LINGO2: variants seen among roughly 807,000 people sequenced by gnomAD.
LINGO2 encodes the protein leucine rich repeat and Ig domain containing 2, also known as leucine-rich repeat and immunoglobulin-like domain-containing nogo receptor-interacting protein 2.
LINGO2 carries 14 observed loss-of-function variants against 30.6 expected under a neutral mutation model. The ratio of observed to expected loss-of-function variants is 0.46; its 90% confidence interval spans 0.30 to 0.72. The LOEUF (loss-of-function observed/expected upper bound fraction) is 0.72. Ranked by LOEUF, LINGO2 falls within the 30% of genes least tolerant of loss-of-function variation. LINGO2 has a pLI of 0.07. For missense variants in LINGO2, 729 were observed against 751.7 expected (o/e 0.97, Z 0.35); for synonymous variants, 317 against 288.5 (o/e 1.10, Z -1.00).
At chr9:28,457,518 A>G (rs1341827794) in intron 2 of LINGO2, among the ~76,000 whole-genome samples, 1 of 151,878 alleles carries the variant, frequency 6.6e-6, no homozygotes, top group African/African-American at 2.4e-5. Flanking sequence ...GGCTCAAGCA[A>G]TTCTTCCTGC....
chr9:27,946,164 T>C (rs1232144729), downstream of LINGO2, among the ~76,000 whole-genome samples: 2 of 152,076 alleles, frequency 1.3e-5, no homozygotes, highest in Admixed American at 6.6e-5. Context: ...TAGTGAAGCC[T>C]GAAGATAAAC....
intron 1 of LINGO2, among the ~76,000 whole-genome samples, chr9:28,481,673 GCAGGTTAGTTA>G (rs935438911): frequency 6.6e-6 from 1 of 151,862 alleles, no homozygotes; most frequent in African/African-American, 2.4e-5. Context: ...TGCACAATGT[GCAGGTTAGTTA>G]CATATGTATA....
At chr9:28,092,994 A>T (rs1437401427) in intron 4 of LINGO2, among the ~76,000 whole-genome samples, 1 of 152,062 alleles carries the variant, frequency 6.6e-6, no homozygotes, top group Non-Finnish European at 1.5e-5. Flanking sequence ...TATGGAAGGG[A>T]TGCCAAGATA....
intron 3 of LINGO2, among the ~76,000 whole-genome samples, chr9:28,315,886 G>C (rs1477731408): frequency 6.6e-6 from 1 of 152,148 alleles, no homozygotes; most frequent in East Asian, 1.9e-4. Context: ...CGTAAGATTT[G>C]TGAATATGCA....
intron 1 of LINGO2, among the ~76,000 whole-genome samples, chr9:28,516,345 G>C (rs1820618620): frequency 6.6e-6 from 1 of 152,114 alleles, no homozygotes; most frequent in Non-Finnish European, 1.5e-5. Context: ...TTTACAGAGA[G>C]GACAATAAAA....
intron 2 of LINGO2, among the ~76,000 whole-genome samples, chr9:28,419,840 T>C (rs984201250): frequency 3.3e-5 from 5 of 151,962 alleles, no homozygotes; most frequent in African/African-American, 4.8e-5. Context: ...ATTTTCAATT[T>C]TAAAAATATG....
At chr9:28,011,721 C>A (rs950426414) in intron 5 of LINGO2, among the ~76,000 whole-genome samples, 6 of 152,196 alleles carry the variant, frequency 3.9e-5, no homozygotes, top group Non-Finnish European at 8.8e-5. Context: ...CATCTTACTG[C>A]AGAGTTTAAA....
the LINGO2 span, among the ~76,000 whole-genome samples, chr9:29,115,610 G>A: frequency 2.0e-5 from 3 of 151,646 alleles, no homozygotes; most frequent in Non-Finnish European, 4.4e-5. Context: ...GAAAAGATAT[G>A]CAGTCCTTTT....
At chr9:28,973,073 C>T in the LINGO2 span, among the ~76,000 whole-genome samples, 1 of 152,246 alleles carries the variant, frequency 6.6e-6, no homozygotes, top group South Asian at 2.1e-4. Flanking sequence ...TCTGAGTTTT[C>T]AGCCTAAAGG....
the LINGO2 span, among the ~76,000 whole-genome samples, chr9:28,787,629 A>G: frequency 6.6e-6 from 1 of 152,164 alleles, no homozygotes; most frequent in African/African-American, 2.4e-5. Context: ...GTAGTTCCTT[A>G]GTAATCTGTT....
At chr9:28,504,308 C>T (rs1820012219) in intron 1 of LINGO2, among the ~76,000 whole-genome samples, 1 of 151,802 alleles carries the variant, frequency 6.6e-6, no homozygotes, top group Non-Finnish European at 1.5e-5. Context: ...TTTTACCCTT[C>T]CCTTTTCCAC....
chr9:28,277,847 A>C (rs1453972649), intron 4 of LINGO2, among the ~76,000 whole-genome samples: 4 of 146,352 alleles, frequency 2.7e-5, no homozygotes, highest in African/African-American at 5.2e-5. Context: ...CAAAAAAAAA[A>C]AACAAAAAAA....
the LINGO2 span, among the ~76,000 whole-genome samples, chr9:29,211,428 G>T: frequency 6.6e-6 from 1 of 152,136 alleles, no homozygotes; most frequent in Admixed American, 6.5e-5. Context: ...AATGTGAAGT[G>T]AATCTGACTT....
chr9:28,505,044 A>C (rs1213385959), intron 1 of LINGO2, among the ~76,000 whole-genome samples: 1 of 151,932 alleles, frequency 6.6e-6, no homozygotes, highest in Non-Finnish European at 1.5e-5. Context: ...GTGTAAGCCA[A>C]TTTAAGAGGG....
chr9:28,523,427 T>C (rs992530949), intron 1 of LINGO2, among the ~76,000 whole-genome samples: 2 of 152,154 alleles, frequency 1.3e-5, no homozygotes, highest in Non-Finnish European at 2.9e-5. Flanking sequence ...CCCACTTCCA[T>C]GCAATATTGT....
intron 1 of LINGO2, among the ~76,000 whole-genome samples, chr9:28,555,048 G>A (rs376565303): frequency 3.6e-5 from 5 of 137,536 alleles, no homozygotes; most frequent in African/African-American, 9.2e-5. Context: ...AAAGCAGGAA[G>A]GATCCAAAAT....
At chr9:28,254,552 T>C (rs906432780) in intron 4 of LINGO2, among the ~76,000 whole-genome samples, 3 of 152,148 alleles carry the variant, frequency 2.0e-5, no homozygotes, top group South Asian at 2.1e-4. Context: ...AAAAATCTTA[T>C]AGTTCTTAGC....
chr9:28,869,482 A>C, the LINGO2 span, among the ~76,000 whole-genome samples: 1 of 152,102 alleles, frequency 6.6e-6, no homozygotes, highest in Non-Finnish European at 1.5e-5. Flanking sequence ...CAGATAAAGA[A>C]AACAGTACTT....
chr9:28,329,910 G>A lies in LINGO2; in HGVS notation c.-245-34544C>T, dbSNP rs75425161. Among the ~76,000 whole-genome samples, 27,365 of 152,084 alleles carry A rather than the reference G, an allele frequency of 0.18. 2,743 individuals carry two copies. Among genetic ancestry groups the A allele is most frequent in the Non-Finnish European group, 0.23 (15,690 of 67,948 alleles). ...ATTTGTGTATTTAGCTCTTCCAATA[G>A]ACACTTTCTTTTAATTTTTATGTAT... is the stretch of plus-strand genomic sequence containing the variant. On this transcript the variant is annotated intron_variant, in intron 3 of 5. Transcript: ENST00000379992. The surrounding 1 kb of genome is among the most constrained non-coding windows in gnomAD (Gnocchi z 4.5).
Sources: gnomAD v4.1 joint callset for allele counts (sites outside exome capture counted in the v4.1 genomes callset) on GRCh38, gnomAD v4.1.1 for gene constraint, Gnocchi (gnomAD v3.1) non-coding constraint, MANE v1.5 for transcripts, NCBI Gene and HGNC (gene_info 2026-07-23, HGNC 2026-07-21) for gene names.